The following NAV3 variants were observed in gnomAD, a reference collection of about 807,000 sequenced individuals.
NAV3 encodes neuron navigator 3.
A neutral mutation model predicts 244.7 loss-of-function variants in NAV3; 87 were observed. The observed-to-expected ratio is 0.36, with a 90% CI of 0.30 to 0.42. NAV3 has a LOEUF of 0.42. Ranked by LOEUF, NAV3 falls within the 20% of genes least tolerant of loss-of-function variation. The pLI, the probability that NAV3 is intolerant of heterozygous loss-of-function variation, is 1.00. For missense variants in NAV3, 2,663 were observed against 2,893.3 expected, an observed-to-expected ratio of 0.92 and a Z score of 1.83; for synonymous variants, 1,126 against 1,042.2, an observed-to-expected ratio of 1.08 and a Z score of -1.55.
chr12:78,171,241 T>G (rs950260066), intron 24 of NAV3, among the ~76,000 whole-genome samples: 9 of 151,662 alleles, frequency 5.9e-5, no homozygotes, highest in Admixed American at 3.3e-4. Context: ...AAGCTTATCT[T>G]AGAGCTATAA....
At chr12:78,010,544 A>C (rs989619942) in intron 8 of NAV3, among the ~76,000 whole-genome samples, 1 of 152,152 alleles carries the variant, frequency 6.6e-6, no homozygotes, top group Non-Finnish European at 1.5e-5. Flanking sequence ...CAGAATAGTA[A>C]TAATCTCTTC....
chr12:77,692,800 T>C (rs895948973), intron 2 of NAV3, among the ~76,000 whole-genome samples: 1 of 152,102 alleles, frequency 6.6e-6, no homozygotes. Flanking sequence ...TAAAGCTTAA[T>C]AGTCCATTGA....
At chr12:77,816,558 T>C (rs1565824986) in intron 2 of NAV3, among the ~76,000 whole-genome samples, 1 of 152,190 alleles carries the variant, frequency 6.6e-6, no homozygotes, top group Non-Finnish European at 1.5e-5. Context: ...CTGAAAAGTG[T>C]TGTTATCTGC....
chr12:77,758,765 T>C (rs1033374848), intron 2 of NAV3, among the ~76,000 whole-genome samples: 6 of 152,190 alleles, frequency 3.9e-5, no homozygotes, highest in African/African-American at 1.4e-4. Context: ...AGAAATTACC[T>C]GTTTTTGGAA....
At chr12:77,629,596 T>G (rs916113403) in intron 2 of NAV3, among the ~76,000 whole-genome samples, 10 of 152,166 alleles carry the variant, frequency 6.6e-5, no homozygotes, top group African/African-American at 1.2e-4. Context: ...TTCACTCTAA[T>G]TTTTCCCTAA....
At position 78,050,952 on chromosome 12, in the gene NAV3, CAGA is replaced by C; in HGVS notation, c.2322_2324del (p.Asp775del). 1 of 1,614,106 alleles carries C rather than the reference CAGA, an allele frequency of 6.2e-7. No individual in the cohort carries two copies. Among genetic ancestry groups the C allele is most frequent in the Non-Finnish European group, 8.5e-7 (1 of 1,180,028 alleles). On this transcript the variant is annotated inframe_deletion, in exon 11 of 40. Transcript: ENST00000397909. Reference sequence around the variant, plus strand: ...AGTGGTACCAGTCGATTCATCCACACAGACCCCTCGAGGTTCATGTATACCACG... The same window carrying C: ...AGTGGTACCAGTCGATTCATCCACACCCCCTCGAGGTTCATGTATACCACG...
intron 1 of NAV3, among the ~76,000 whole-genome samples, chr12:77,934,778 A>G (rs1267610263): frequency 1.3e-5 from 2 of 152,198 alleles, no homozygotes; most frequent in East Asian, 1.9e-4. Flanking sequence ...CATACCAGGG[A>G]GCAGTGCTTA....
At chr12:77,624,528 A>G (rs1006357803) in intron 2 of NAV3, among the ~76,000 whole-genome samples, 1 of 151,862 alleles carries the variant, frequency 6.6e-6, no homozygotes, top group Non-Finnish European at 1.5e-5. Flanking sequence ...GAGTGAAAGC[A>G]GGTAGGCTAG....
intron 24 of NAV3, among the ~76,000 whole-genome samples, chr12:78,170,247 T>TG (rs1957947797): frequency 1.3e-5 from 2 of 151,752 alleles, no homozygotes; most frequent in Non-Finnish European, 1.5e-5. Flanking sequence ...CAGTGCTCTT[T>TG]GCCTCAGTAG....
intron 2 of NAV3, among the ~76,000 whole-genome samples, chr12:77,614,075 T>TC (rs1491351000): frequency 5.1e-4 from 14 of 27,618 alleles, no homozygotes; most frequent in East Asian, 1.5e-3. Flanking sequence ...TCTTTCTCTC[T>TC]TTTTTTTTTT....
chr12:77,882,696 A>G (rs1882806948), intron 1 of NAV3, among the ~76,000 whole-genome samples: 1 of 152,188 alleles, frequency 6.6e-6, no homozygotes. Context: ...ATGAAGTTCT[A>G]ATATTTAAAA....
intron 1 of NAV3, among the ~76,000 whole-genome samples, chr12:77,897,817 C>T (rs1884801636): frequency 6.6e-6 from 1 of 151,972 alleles, no homozygotes; most frequent in African/African-American, 2.4e-5. Context: ...ATTGCTACCA[C>T]ACTAAAGAAG....
chr12:77,759,387 G>T (rs1869352645), intron 2 of NAV3, among the ~76,000 whole-genome samples: 1 of 152,206 alleles, frequency 6.6e-6, no homozygotes, highest in African/African-American at 2.4e-5. Flanking sequence ...TTAAAAGGTG[G>T]AGCTGGTATT....
In NAV3 at chr12:77,666,120, T is replaced by G. The variant is rs1873702580; in HGVS notation, c.72+93854T>G. ...GTTTTTATAAAATTCCATCTTCCAC[T>G]CTTTCAGGTATACTCATGTAGACAT... On this transcript the variant is annotated intron_variant, in intron 2 of 8. Coordinates refer to the NAV3 transcript ENST00000550042. 1.3e-5 allele frequency among the ~76,000 whole-genome samples: 2 copies of G among 151,834 alleles called. 1 individual carries two copies. Among genetic ancestry groups the G allele is most frequent in the South Asian group, 4.1e-4 (2 of 4,824 alleles).
intron 26 of NAV3, among the ~76,000 whole-genome samples, chr12:78,176,782 T>C (rs944189912): frequency 2.0e-5 from 3 of 152,042 alleles, no homozygotes; most frequent in African/African-American, 7.2e-5. Flanking sequence ...GGACATGACT[T>C]GATTGTAGCG....
At chr12:78,170,778 T>G (rs1446690098) in intron 24 of NAV3, among the ~76,000 whole-genome samples, 1 of 151,814 alleles carries the variant, frequency 6.6e-6, no homozygotes, top group Admixed American at 6.6e-5. Flanking sequence ...CTACCTTGTT[T>G]GATCAGCATA....
intron 2 of NAV3, among the ~76,000 whole-genome samples, chr12:77,683,977 G>A (rs1307876501): frequency 6.6e-6 from 1 of 152,128 alleles, no homozygotes; most frequent in African/African-American, 2.4e-5. Context: ...GAATTGCTGG[G>A]TCATAAGGTA....
chr12:77,942,352 A>T (rs1367748782), intron 3 of NAV3, among the ~76,000 whole-genome samples: 1 of 152,124 alleles, frequency 6.6e-6, no homozygotes, highest in Non-Finnish European at 1.5e-5. Flanking sequence ...GGCCTGGGCA[A>T]TACGAGCAAA....
At chr12:77,799,958 T>C (rs1871619987) in intron 2 of NAV3, among the ~76,000 whole-genome samples, 1 of 152,214 alleles carries the variant, frequency 6.6e-6, no homozygotes, top group African/African-American at 2.4e-5. Context: ...CAGTGAATAC[T>C]GGGAGTTGAT....
Sources: gnomAD v4.1 joint callset for allele counts (sites outside exome capture counted in the v4.1 genomes callset) on GRCh38, gnomAD v4.1.1 for gene constraint, MANE v1.5 for transcripts, NCBI Gene and HGNC (gene_info 2026-07-23, HGNC 2026-07-21) for gene names.